MANBA: variants seen among roughly 807,000 people sequenced by gnomAD.
The protein encoded by MANBA is beta-mannosidase.
MANBA carries 83 observed loss-of-function variants against 111.1 expected under a neutral mutation model. The observed-to-expected ratio is 0.75, with a 90% CI of 0.63 to 0.90. MANBA has a LOEUF of 0.90. MANBA is among the 40% of genes least tolerant of loss of function. MANBA has a pLI of 0.00. For missense variants in MANBA, 1,036 were observed against 1,069.0 expected (o/e 0.97, Z 0.43); for synonymous variants, 370 against 378.7 (o/e 0.98, Z 0.27).
intron 5 of MANBA, among the ~76,000 whole-genome samples, chr4:102,708,206 C>A (rs1733390050): frequency 6.6e-6 from 1 of 152,134 alleles, no homozygotes; most frequent in African/African-American, 2.4e-5. Context: ...AATGCACATT[C>A]TTCTCATTAG....
At chr4:102,691,482 G>A (rs1732471317) in intron 5 of MANBA, among the ~76,000 whole-genome samples, 1 of 151,276 alleles carries the variant, frequency 6.6e-6, no homozygotes, top group African/African-American at 2.4e-5. Flanking sequence ...ATACAGAGAG[G>A]GTGAAGGAAG....
intron 3 of MANBA, among the ~76,000 whole-genome samples, chr4:102,723,298 T>C (rs1337330737): frequency 6.6e-6 from 1 of 152,186 alleles, no homozygotes; most frequent in Non-Finnish European, 1.5e-5. Flanking sequence ...GGCAAAATGA[T>C]GGTCCTAGGG....
intron 1 of MANBA, among the ~76,000 whole-genome samples, chr4:102,754,441 G>A (rs1418540646): frequency 2.6e-5 from 4 of 152,040 alleles, no homozygotes; most frequent in Admixed American, 6.5e-5. Flanking sequence ...GATGGTAATT[G>A]TATATAACAT....
intron 5 of MANBA, among the ~76,000 whole-genome samples, chr4:102,708,936 A>T (rs571354132): frequency 6.6e-6 from 1 of 152,162 alleles, no homozygotes; most frequent in Admixed American, 6.5e-5. Flanking sequence ...ATCACCAGAG[A>T]CTATTATGAA....
chr4:102,724,756 G>A (rs1377869197), intron 2 of MANBA, among the ~76,000 whole-genome samples: 1 of 152,062 alleles, frequency 6.6e-6, no homozygotes, highest in Non-Finnish European at 1.5e-5. Flanking sequence ...GTGGCTGGCT[G>A]GCAATATTGT....
chr4:102,674,371 C>T lies in MANBA; in HGVS notation c.961-301G>A, dbSNP rs60220347. 0.064 allele frequency among the ~76,000 whole-genome samples: 9,670 copies of T among 152,120 alleles called. 983 individuals carry two copies. The highest frequency in any genetic ancestry group is 0.22 in the African/African-American group (8,962 of 41,490). Reference sequence around the variant, plus strand: ...AAAAAAGACAATTTGAAGATAACATCTCTAAATTAAAACAAAAACATGCTA... The same window carrying T: ...AAAAAAGACAATTTGAAGATAACATTTCTAAATTAAAACAAAAACATGCTA... On this transcript the variant is annotated intron_variant, in intron 7 of 16. Transcript: ENST00000647097.
At chr4:102,723,520 C>A (rs1722668078) in intron 3 of MANBA, among the ~76,000 whole-genome samples, 1 of 152,228 alleles carries the variant, frequency 6.6e-6, no homozygotes, top group South Asian at 2.1e-4. Context: ...CTTAATATAA[C>A]TATTCCAGAA....
At chr4:102,636,671 T>C (rs895934241) in intron 14 of MANBA, among the ~76,000 whole-genome samples, 2 of 152,198 alleles carry the variant, frequency 1.3e-5, no homozygotes, top group African/African-American at 4.8e-5. Context: ...GAAGCAGATA[T>C]AGAAAACTTG....
intron 1 of MANBA, chr4:102,727,950 T>C: frequency 2.2e-6 from 1 of 451,698 alleles, no homozygotes; most frequent in Admixed American, 3.0e-5. Flanking sequence ...TGAGAGAACT[T>C]TTCTGGAATG....
intron 5 of MANBA, among the ~76,000 whole-genome samples, chr4:102,704,888 A>T (rs1733228436): frequency 6.6e-6 from 1 of 152,232 alleles, no homozygotes; most frequent in South Asian, 2.1e-4. Flanking sequence ...CACAAAGCAC[A>T]TCTTCTTAAC....
intron 1 of MANBA, chr4:102,728,460 A>C (rs954106875): frequency 9.7e-6 from 4 of 410,822 alleles, no homozygotes; most frequent in African/African-American, 8.3e-5. Flanking sequence ...GACTCTTTGT[A>C]TGGTTTTTCG....
At chr4:102,718,631 G>A (rs919741612) in intron 4 of MANBA, among the ~76,000 whole-genome samples, 8 of 152,188 alleles carry the variant, frequency 5.3e-5, no homozygotes, top group African/African-American at 1.9e-4. Context: ...AGACAATAGG[G>A]GACTTAGGTT....
At chr4:102,697,082 G>C (rs1261894909) in intron 5 of MANBA, among the ~76,000 whole-genome samples, 1 of 152,094 alleles carries the variant, frequency 6.6e-6, no homozygotes, top group Non-Finnish European at 1.5e-5. Context: ...CAAAAGAGAC[G>C]CAAGGCAAAA....
At position 102,760,956 on chromosome 4, in the gene MANBA, G is replaced by A. The variant is rs996429227; in HGVS notation, c.-62C>T. On this transcript the variant is annotated 5_prime_UTR_variant, in exon 1 of 17. Coordinates refer to ENST00000647097, the MANE Select transcript of MANBA (RefSeq NM_005908.4). ...AAAGGCAGCGCTGCAAGGGACCGGCGGTGAAGCCACTCACCCCCTCGGAAG... is the reference window on the plus strand; with the variant it reads ...AAAGGCAGCGCTGCAAGGGACCGGCAGTGAAGCCACTCACCCCCTCGGAAG... 2.7e-6 allele frequency: 4 copies of A among 1,475,754 alleles called. No homozygotes were observed. The highest frequency in any genetic ancestry group is 2.8e-5 in the African/African-American group (2 of 71,860). 91.4% of individuals were successfully genotyped at this position (1,475,754 alleles called of 1,614,324 possible). A position where few individuals can be genotyped will look rare whatever the true frequency, so the allele number is the denominator to read the frequency against.
Position 102,723,344 on chromosome 4 carries a change from A to C in MANBA, c.379-303T>G, listed in dbSNP as rs529549151. On this transcript the variant is annotated intron_variant, in intron 3 of 16. Coordinates refer to ENST00000647097, the MANE Select transcript of MANBA (RefSeq NM_005908.4). The stretch of plus-strand genomic sequence containing the variant: ...AGCAAAAAATAACTTTAGCTCTGGA[A>C]TGTCTGCTCTGTCTACTTATATGTG... 3.0e-4 allele frequency among the ~76,000 whole-genome samples: 45 copies of C among 152,308 alleles called. 1 individual carries two copies. Among genetic ancestry groups the C allele is most frequent in the Non-Finnish European group, 5.4e-4 (37 of 68,016 alleles).
chr4:102,704,725 A>G (rs998617414), intron 5 of MANBA, among the ~76,000 whole-genome samples: 4 of 151,710 alleles, frequency 2.6e-5, no homozygotes, highest in Non-Finnish European at 5.9e-5. Flanking sequence ...GCTGTCTTCC[A>G]GATAAAAATT....
At chr4:102,682,462 C>T (rs954415050) in intron 7 of MANBA, among the ~76,000 whole-genome samples, 42 of 152,112 alleles carry the variant, frequency 2.8e-4, no homozygotes, top group Admixed American at 7.2e-4. Context: ...GCTCCCAAGG[C>T]CCACCTGGAG....
intron 1 of MANBA, among the ~76,000 whole-genome samples, chr4:102,743,660 G>T (rs1454027358): frequency 2.0e-5 from 3 of 152,148 alleles, no homozygotes; most frequent in Non-Finnish European, 2.9e-5. Context: ...GCCCAATCAT[G>T]TATATACCAC....
intron 5 of MANBA, 108 bp from the exon 6 acceptor site, chr4:102,690,879 C>T (rs1204133066): frequency 8.6e-6 from 3 of 350,544 alleles, no homozygotes; most frequent in African/African-American, 4.3e-5. Context: ...CAGCTTCAAA[C>T]CCAGTATGTG....
Sources: gnomAD v4.1 joint callset for allele counts (sites outside exome capture counted in the v4.1 genomes callset) on GRCh38, gnomAD v4.1.1 for gene constraint, MANE v1.5 for transcripts, NCBI Gene and HGNC (gene_info 2026-07-23, HGNC 2026-07-21) for gene names.